ZFYVE28: variants seen among roughly 807,000 people sequenced by gnomAD.
ZFYVE28 encodes the protein zinc finger FYVE-type containing 28.
In ZFYVE28, 40 loss-of-function variants were observed where a neutral mutation model predicts 82.1. That is an observed-to-expected ratio of 0.49 (90% CI 0.38 to 0.63). The LOEUF (loss-of-function observed/expected upper bound fraction) is 0.63, where lower values mean the gene tolerates loss of function less well. Among genes scored for constraint, ZFYVE28 ranks in the 30% least tolerant of loss-of-function variants. The probability of loss-of-function intolerance (pLI) is 0.00; values close to 1 mark genes in which losing one functional copy is unlikely to be tolerated. For synonymous variants in ZFYVE28, 612 were observed against 546.1 expected (o/e 1.12, Z -1.68); for missense variants, 1,321 against 1,242.1 (o/e 1.06, Z -0.96).
At chr4:2,317,876 A>C (rs1718460473) in intron 7 of ZFYVE28, among the ~76,000 whole-genome samples, 1 of 152,104 alleles carries the variant, frequency 6.6e-6, no homozygotes, top group African/African-American at 2.4e-5. Flanking sequence ...CAGGTGATCC[A>C]TCCGCCTGGG....
intron 1 of ZFYVE28, among the ~76,000 whole-genome samples, chr4:2,385,854 C>T (rs964737530): frequency 1.3e-5 from 2 of 152,234 alleles, no homozygotes; most frequent in African/African-American, 4.8e-5. Flanking sequence ...TCACAGGGGA[C>T]CCATCTGGTT....
intron 1 of ZFYVE28, among the ~76,000 whole-genome samples, chr4:2,386,582 G>A (rs1729280352): frequency 1.3e-5 from 2 of 152,104 alleles, no homozygotes; most frequent in Admixed American, 6.5e-5. Flanking sequence ...ATCACAGAAC[G>A]GGGCTGTCAT....
chr4:2,293,317 C>T (rs1007158825), intron 8 of ZFYVE28, among the ~76,000 whole-genome samples: 1 of 152,106 alleles, frequency 6.6e-6, no homozygotes, highest in Non-Finnish European at 1.5e-5. Flanking sequence ...AAAAGGAATA[C>T]ATATAGGACG....
At chr4:2,384,413 T>C (rs965661273) in intron 1 of ZFYVE28, among the ~76,000 whole-genome samples, 2 of 152,194 alleles carry the variant, frequency 1.3e-5, no homozygotes, top group African/African-American at 4.8e-5. Context: ...CCAGGGTCAC[T>C]CCAGCTGCCT....
chr4:2,331,551 A>G (rs951206956), intron 6 of ZFYVE28, among the ~76,000 whole-genome samples: 1 of 152,164 alleles, frequency 6.6e-6, no homozygotes, highest in Non-Finnish European at 1.5e-5. Context: ...ATAAATCCCC[A>G]AAAGTAAAAC....
intron 1 of ZFYVE28, among the ~76,000 whole-genome samples, chr4:2,389,858 G>GCT (rs1307449478): frequency 2.0e-5 from 3 of 152,158 alleles, no homozygotes; most frequent in Admixed American, 2.0e-4. Context: ...CACACCACGT[G>GCT]CTCACCCCTG....
chr4:2,303,266 G>A (rs1055183628), intron 8 of ZFYVE28, among the ~76,000 whole-genome samples: 7 of 152,130 alleles, frequency 4.6e-5, no homozygotes, highest in African/African-American at 7.2e-5. Context: ...GACCGAGCAC[G>A]GGAAGAAGGA....
chr4:2,273,725 C>T (rs1428511675), intron 9 of ZFYVE28, among the ~76,000 whole-genome samples: 2 of 152,216 alleles, frequency 1.3e-5, no homozygotes, highest in East Asian at 3.8e-4. Context: ...CTCGCAGGCA[C>T]AGCCCCCCAG....
intron 8 of ZFYVE28, among the ~76,000 whole-genome samples, chr4:2,288,452 G>A (rs1208766420): frequency 6.6e-6 from 1 of 152,242 alleles, no homozygotes; most frequent in Non-Finnish European, 1.5e-5. Flanking sequence ...CAGTGGAGCA[G>A]CAGCGCCTGC....
At chr4:2,286,784 C>T (rs1712811424) in intron 8 of ZFYVE28, 2 of 151,368 alleles carry the variant, frequency 1.3e-5, no homozygotes, top group Admixed American at 6.6e-5. Flanking sequence ...TGGGGGGTGA[C>T]GGGAGGGGTG....
chr4:2,407,337 G>A (rs1208066923), intron 1 of ZFYVE28, among the ~76,000 whole-genome samples: 1 of 151,964 alleles, frequency 6.6e-6, no homozygotes, highest in African/African-American at 2.4e-5. Context: ...GAAAGATTTC[G>A]CTCCACAGTC....
At chr4:2,290,582 C>G (rs1461589854) in intron 8 of ZFYVE28, among the ~76,000 whole-genome samples, 3 of 152,212 alleles carry the variant, frequency 2.0e-5, no homozygotes, top group Non-Finnish European at 4.4e-5. Context: ...TGCAGCAGAG[C>G]AGGACACGAC....
intron 1 of ZFYVE28, among the ~76,000 whole-genome samples, chr4:2,392,020 G>A (rs1247666649): frequency 1.3e-5 from 2 of 151,968 alleles, no homozygotes; most frequent in Non-Finnish European, 2.9e-5. Context: ...CTGGTATGGT[G>A]GTGAGCGCCT....
At chr4:2,388,232 C>T (rs7438668) in intron 1 of ZFYVE28, among the ~76,000 whole-genome samples, 2,913 of 152,254 alleles carry the variant, frequency 0.019, 101 homozygotes, top group African/African-American at 0.067. Context: ...CTGGCAATCA[C>T]GACCATATTA....
intron 1 of ZFYVE28, among the ~76,000 whole-genome samples, chr4:2,381,179 G>A (rs192651500): frequency 2.1e-5 from 3 of 145,452 alleles, no homozygotes; most frequent in East Asian, 4.2e-4. Flanking sequence ...GGGAACTGAA[G>A]CAAAAGTGAC....
At chr4:2,373,875 A>G (rs1727831284) in intron 1 of ZFYVE28, among the ~76,000 whole-genome samples, 1 of 152,206 alleles carries the variant, frequency 6.6e-6, no homozygotes, top group African/African-American at 2.4e-5. Context: ...AGGGGAACGC[A>G]CAGGGATTCC....
Position 2,270,464 on chromosome 4 carries a change from C to T in ZFYVE28, c.*261G>A, listed in dbSNP as rs1322007222. The T allele has an allele frequency of 5.6e-6, 3 of 533,666 alleles. No homozygotes were observed. Among genetic ancestry groups the T allele is most frequent in the African/African-American group, 3.8e-5 (2 of 52,262 alleles). The allele number at this position is 533,666 out of a possible 1,614,324, so 33.1% of individuals were successfully genotyped here. The stretch of plus-strand genomic sequence containing the variant: ...GGGCCCAGGCCTTCTCCGCCAGGCA[C>T]CCTGCCCTGAGGCAGCCACCAGGCT... On this transcript the variant is annotated 3_prime_UTR_variant, in exon 13 of 13. Coordinates refer to ENST00000290974, the MANE Select transcript of ZFYVE28 (RefSeq NM_020972.3).
Position 2,341,969 on chromosome 4 carries a change from G to A in ZFYVE28, c.181-354C>T, listed in dbSNP as rs1049760014. On this transcript the variant is annotated intron_variant, in intron 2 of 12. Transcript: ENST00000290974. The surrounding 1 kb of genome is among the most constrained non-coding windows in gnomAD (Gnocchi z 4.5). Reference sequence around the variant, plus strand: ...AGGGAGGCAGAGGTTGCAGTGAGCCGAGATGGTGCCATCGCACTCCAGCCA... The same window carrying A: ...AGGGAGGCAGAGGTTGCAGTGAGCCAAGATGGTGCCATCGCACTCCAGCCA... 1.3e-4 allele frequency among the ~76,000 whole-genome samples: 20 copies of A among 152,196 alleles called. No homozygotes were observed. The highest frequency in any genetic ancestry group is 2.1e-4 in the South Asian group (1 of 4,830).
intron 8 of ZFYVE28, among the ~76,000 whole-genome samples, chr4:2,302,806 C>T (rs945960042): frequency 2.0e-5 from 3 of 152,254 alleles, no homozygotes; most frequent in African/African-American, 7.2e-5. Context: ...TTGCCGTGTG[C>T]CTCTACATGG....
Sources: allele counts gnomAD v4.1 joint callset (sites outside exome capture counted in the v4.1 genomes callset), GRCh38; gene constraint gnomAD v4.1.1; non-coding constraint Gnocchi (gnomAD v3.1); transcripts MANE v1.5; gene names NCBI Gene and HGNC (gene_info 2026-07-23, HGNC 2026-07-21).